RAC1: variants seen among roughly 807,000 people sequenced by gnomAD.
The protein encoded by RAC1 is Rac family small GTPase 1.
In RAC1, 2 loss-of-function variants were observed where a neutral mutation model predicts 25.2. The observed-to-expected ratio is 0.08, with a 90% CI of 0.03 to 0.25. The LOEUF (loss-of-function observed/expected upper bound fraction) is 0.25. RAC1 is among the 10% of genes least tolerant of loss of function. The probability of loss-of-function intolerance (pLI) is 1.00; values close to 1 mark genes in which losing one functional copy is unlikely to be tolerated. For synonymous variants in RAC1, 88 were observed against 94.0 expected (o/e 0.94, Z 0.37); for missense variants, 50 against 235.7 (o/e 0.21, Z 5.16).
chr7:6,402,523 AACAAAAAAAAAAAAC>A lies in RAC1; in HGVS notation c.*79_*93del, dbSNP rs1783440325. ...TGCTCAAAAAAAAACAAAAAAAAAA[AACAAAAAAAAAAAAC>A]AACGGTGGAGCCTTCGCACTCAATG... On this transcript the variant is annotated 3_prime_UTR_variant, in exon 6 of 6. Coordinates refer to ENST00000348035, the MANE Select transcript of RAC1 (RefSeq NM_006908.5). The A allele has an allele frequency of 4.8e-6, 5 of 1,036,652 alleles. 1 individual carries two copies. Among genetic ancestry groups the A allele is most frequent in the Non-Finnish European group, 5.9e-6 (5 of 841,142 alleles). The allele number at this position is 1,036,652 out of a possible 1,614,324, so 64.2% of individuals were successfully genotyped here. A position where few individuals can be genotyped will look rare whatever the true frequency, so the allele number is the denominator to read the frequency against.
chr7:6,398,196 G>T (rs1783300575), intron 3 of RAC1, among the ~76,000 whole-genome samples: 1 of 131,878 alleles, frequency 7.6e-6, no homozygotes, highest in Non-Finnish European at 1.6e-5. Context: ...GCCCGGCTAT[G>T]TTCTGGGAGA....
chr7:6,400,663 G>T (rs527646361), intron 4 of RAC1, among the ~76,000 whole-genome samples: 2 of 151,234 alleles, frequency 1.3e-5, no homozygotes, highest in Non-Finnish European at 3.0e-5. Flanking sequence ...TTTTGAGAGA[G>T]TCTTTTTTTT....
At chr7:6,387,043 G>T (rs137905237) in intron 1 of RAC1, among the ~76,000 whole-genome samples, 169 bp from the exon 2 acceptor site, 2 of 152,142 alleles carry the variant, frequency 1.3e-5, no homozygotes, top group African/African-American at 4.8e-5. Context: ...AAATTTCAGG[G>T]TACCAATGTG....
At chr7:6,397,950 T>C (rs1182918865) in intron 3 of RAC1, among the ~76,000 whole-genome samples, 4 of 152,210 alleles carry the variant, frequency 2.6e-5, no homozygotes, top group Non-Finnish European at 4.4e-5. Flanking sequence ...GATCTCACCA[T>C]TGCACTCCAG....
chr7:6,381,994 C>CT lies in RAC1; in HGVS notation c.36-5210dup, dbSNP rs934802693. ...CTGCCTTGTCCTTAAGATCTACATA[C>CT]TTTTTTTTGTTTTTTGAGTCAGAGA... On this transcript the variant is annotated intron_variant, in intron 1 of 5. Coordinates refer to ENST00000348035, the MANE Select transcript of RAC1 (RefSeq NM_006908.5). 1.5e-4 allele frequency among the ~76,000 whole-genome samples: 23 copies of CT among 151,830 alleles called. No homozygotes were observed. The East Asian group carries it at 1.5e-3, about 10-fold the overall frequency.
At chr7:6,389,203 CAAAAA>C (rs5882093) in intron 2 of RAC1, among the ~76,000 whole-genome samples, 1 of 138,692 alleles carries the variant, frequency 7.2e-6, no homozygotes. Context: ...CTCTGTCTCC[CAAAAA>C]AAAAAAAAAA....
chr7:6,402,271 G>C (rs1467175247), intron 5 of RAC1, 45 bp from the exon 6 acceptor site: 5 of 1,563,000 alleles, frequency 3.2e-6, no homozygotes, highest in Non-Finnish European at 4.3e-6. Context: ...GATCAGAAGA[G>C]AGTGGGGTCG....
chr7:6,382,755 C>T (rs1420058354), intron 1 of RAC1, among the ~76,000 whole-genome samples: 1 of 152,166 alleles, frequency 6.6e-6, no homozygotes, highest in Non-Finnish European at 1.5e-5. Context: ...TACGTGTAGT[C>T]CCAGCTACTT....
chr7:6,396,019 C>G (rs747487034), intron 3 of RAC1, among the ~76,000 whole-genome samples: 1 of 152,186 alleles, frequency 6.6e-6, no homozygotes, highest in Non-Finnish European at 1.5e-5. Context: ...CCTGGCTACA[C>G]TTACCACCGA....
intron 4 of RAC1, among the ~76,000 whole-genome samples, chr7:6,400,793 A>G (rs1436648676): frequency 6.6e-6 from 1 of 152,094 alleles, no homozygotes; most frequent in African/African-American, 2.4e-5. Flanking sequence ...CTCATGCCTC[A>G]GCCTCCCGAG....
intron 1 of RAC1, among the ~76,000 whole-genome samples, chr7:6,384,310 GCCTTGACTGAGTC>G (rs1280994419): frequency 6.6e-6 from 1 of 152,130 alleles, no homozygotes; most frequent in African/African-American, 2.4e-5. Flanking sequence ...ATGTGTGTCT[GCCTTGACTGAGTC>G]CCTGGCGTCC....
intron 3 of RAC1, among the ~76,000 whole-genome samples, chr7:6,399,521 G>A (rs1257214141): frequency 1.3e-5 from 2 of 152,216 alleles, no homozygotes; most frequent in African/African-American, 2.4e-5. Flanking sequence ...GCGCCTCTGC[G>A]TCAGCCACAG....
At chr7:6,392,919 A>C (rs761835963) in intron 3 of RAC1, among the ~76,000 whole-genome samples, 1 of 152,184 alleles carries the variant, frequency 6.6e-6, no homozygotes, top group Admixed American at 6.5e-5. Flanking sequence ...TCACGCACGC[A>C]TAACAGTCCT....
At chr7:6,400,244 A>C (rs1048883797) in intron 4 of RAC1, 56 bp downstream of exon 4, 27 of 1,440,634 alleles carry the variant, frequency 1.9e-5, no homozygotes, top group Admixed American at 1.7e-4. Context: ...CTCAGAAATA[A>C]ATACTTTAAA....
chr7:6,386,149 G>GAAATA (rs1362042179), intron 1 of RAC1, among the ~76,000 whole-genome samples: 1 of 152,170 alleles, frequency 6.6e-6, no homozygotes. Flanking sequence ...TTTCTCTGAA[G>GAAATA]TATTTCTACA....
chr7:6,378,981 T>C (rs1025552298), intron 1 of RAC1, among the ~76,000 whole-genome samples: 4 of 151,836 alleles, frequency 2.6e-5, no homozygotes, highest in African/African-American at 4.8e-5. Context: ...TCCTAGCTAC[T>C]CGGGAGGCTG....
chr7:6,379,268 ATTTTTTT>A (rs768891793), intron 1 of RAC1, among the ~76,000 whole-genome samples: 50 of 105,772 alleles, frequency 4.7e-4, no homozygotes, highest in African/African-American at 1.7e-3. Flanking sequence ...TGCCGAGGTA[ATTTTTTT>A]TTTTTTTTTT....
At chr7:6,391,097 C>A (rs1370746191) in intron 2 of RAC1, among the ~76,000 whole-genome samples, 2 of 152,164 alleles carry the variant, frequency 1.3e-5, no homozygotes, top group African/African-American at 4.8e-5. Flanking sequence ...AAAGTTTCGT[C>A]ATGTTGGCCA....
At chr7:6,374,845 C>G (rs1782533661) in intron 1 of RAC1, 75 bp downstream of exon 1, 1 of 1,037,388 alleles carries the variant, frequency 9.6e-7, no homozygotes, top group Non-Finnish European at 1.2e-6. Context: ...GACTGGGGCC[C>G]AGGCAGGCCG....
Sources: allele counts gnomAD v4.1 joint callset (sites outside exome capture counted in the v4.1 genomes callset), GRCh38; gene constraint gnomAD v4.1.1; transcripts MANE v1.5; gene names NCBI Gene and HGNC (gene_info 2026-07-23, HGNC 2026-07-21).